SLC6A15: variants seen among roughly 807,000 people sequenced by gnomAD.
The protein encoded by SLC6A15 is sodium-dependent neutral amino acid transporter B(0)AT2.
SLC6A15 carries 33 observed loss-of-function variants against 68.5 expected under a neutral mutation model. That is an observed-to-expected ratio of 0.48 (90% CI 0.37 to 0.64). The LOEUF is 0.64. Ranked by LOEUF, SLC6A15 falls within the 30% of genes least tolerant of loss-of-function variation. The probability of loss-of-function intolerance (pLI) is 0.00; values close to 1 mark genes in which losing one functional copy is unlikely to be tolerated. For missense variants in SLC6A15, 747 were observed against 874.3 expected (o/e 0.85, Z 1.84); for synonymous variants, 347 against 301.0 (o/e 1.15, Z -1.58).
At chr12:84,892,338 T>G in intron 1 of SLC6A15, 30 bp from the exon 2 acceptor site, 1 of 403,746 alleles carries the variant, frequency 2.5e-6, no homozygotes. Flanking sequence ...AATGTGATCA[T>G]ATTTAATGAT....
intron 8 of SLC6A15, among the ~76,000 whole-genome samples, chr12:84,871,101 A>C (rs1360640041): frequency 6.6e-6 from 1 of 151,722 alleles, no homozygotes; most frequent in Non-Finnish European, 1.5e-5. Flanking sequence ...ATTTGGTTTT[A>C]CCTTACCTCA....
intron 1 of SLC6A15, 88 bp downstream of exon 1, chr12:84,912,435 C>T (rs1406776944): frequency 6.6e-6 from 1 of 152,664 alleles, no homozygotes; most frequent in South Asian, 2.1e-4. Context: ...CAATTCGTTC[C>T]CGGTGCTGGT....
rs1367900010 is a variant in SLC6A15, at chr12:84,867,182, G to C, written c.1507C>G (p.Leu503Val). 1 of 1,597,946 alleles carries C rather than the reference G, an allele frequency of 6.3e-7. No homozygotes were observed. Among genetic ancestry groups the C allele is most frequent in the Non-Finnish European group, 8.5e-7 (1 of 1,173,104 alleles). ...RKEILTVICC[L>V]LAFCIGLIFV... ...ATCAGGCCAATACAAAATGCCAGAA[G>C]ACAACAGATAACTAGACAAAAGAAA... Residue 503 changes from leucine to valine, a missense_variant, in exon 10 of 12, where the codon CTT becomes GTT. By Grantham distance (32) the Leu-to-Val change is conservative. Transcript: ENST00000266682.
intron 4 of SLC6A15, 98 bp from the exon 5 acceptor site, chr12:84,884,138 C>T: frequency 1.1e-6 from 1 of 950,480 alleles, no homozygotes; most frequent in Non-Finnish European, 1.6e-6. Context: ...TTAATGCTTC[C>T]TAGAAAAGTA....
chr12:84,866,125 G>C (rs1350922878), intron 10 of SLC6A15, among the ~76,000 whole-genome samples: 1 of 152,146 alleles, frequency 6.6e-6, no homozygotes, highest in East Asian at 1.9e-4. Context: ...TATTCTTTAT[G>C]CTGCTTAAAA....
chr12:84,885,000 A>G (rs1178218434), intron 4 of SLC6A15, among the ~76,000 whole-genome samples: 1 of 151,976 alleles, frequency 6.6e-6, no homozygotes, highest in East Asian at 1.9e-4. Flanking sequence ...GCTCTTTATA[A>G]TATTTATATT....
At chr12:84,907,464 C>T (rs939025096) in intron 1 of SLC6A15, among the ~76,000 whole-genome samples, 1 of 152,006 alleles carries the variant, frequency 6.6e-6, no homozygotes, top group African/African-American at 2.4e-5. Context: ...AACTGAGGCT[C>T]GATATTATTA....
intron 3 of SLC6A15, 46 bp downstream of exon 3, chr12:84,885,865 G>A: frequency 6.6e-7 from 1 of 1,508,886 alleles, no homozygotes; most frequent in African/African-American, 1.4e-5. Context: ...TATATAATTT[G>A]AAACCCTATA....
intron 2 of SLC6A15, among the ~76,000 whole-genome samples, chr12:84,887,114 A>G (rs975788934): frequency 1.3e-5 from 2 of 152,066 alleles, no homozygotes; most frequent in African/African-American, 2.4e-5. Flanking sequence ...TTATTAAATG[A>G]CCTCTTAGCT....
chr12:84,910,209 C>T (rs987314458), intron 1 of SLC6A15, among the ~76,000 whole-genome samples: 2 of 151,992 alleles, frequency 1.3e-5, no homozygotes, highest in Admixed American at 6.5e-5. Flanking sequence ...TTTCAATCAA[C>T]TATATAATGT....
chr12:84,912,048 C>A (rs1440116448), intron 1 of SLC6A15: 1 of 152,320 alleles, frequency 6.6e-6, no homozygotes, highest in Non-Finnish European at 1.5e-5. Context: ...CTCTGCTCTC[C>A]CCGCCCCATC....
intron 8 of SLC6A15, among the ~76,000 whole-genome samples, chr12:84,872,198 A>G (rs1308288496): frequency 6.6e-6 from 1 of 152,060 alleles, no homozygotes. Context: ...GTGGAACACA[A>G]CTATTAAAAT....
At chr12:84,878,501 A>C (rs1412309449) in intron 5 of SLC6A15, among the ~76,000 whole-genome samples, 2 of 152,142 alleles carry the variant, frequency 1.3e-5, no homozygotes, top group African/African-American at 4.8e-5. Context: ...GTTTTTAAAC[A>C]AAACTCAAAT....
chr12:84,895,039 T>C (rs892279345), intron 1 of SLC6A15, among the ~76,000 whole-genome samples: 12 of 152,032 alleles, frequency 7.9e-5, no homozygotes, highest in African/African-American at 2.7e-4. Context: ...ATATTATAAA[T>C]AAAATTATCT....
chr12:84,873,149 T>C lies in SLC6A15; in HGVS notation c.1047A>G (p.Thr349=). Residue 349 remains threonine (T), a synonymous_variant, in exon 7 of 12, where the codon ACA becomes ACG. Coordinates refer to ENST00000266682, the MANE Select transcript of SLC6A15 (RefSeq NM_182767.6). ...AGCCCAGAACTGCAAACACCACCAA[T>C]GTTGCCAGGACAGAAGTGAAAAAAT... ...FINFFTSVLA[T]LVVFAVLGFK... 12 of 1,614,064 alleles carry C rather than the reference T, an allele frequency of 7.4e-6. No homozygotes were observed. Among genetic ancestry groups the C allele is most frequent in the Non-Finnish European group, 1.0e-5 (12 of 1,179,990 alleles).
At chr12:84,883,560 G>A (rs1331424027) in intron 5 of SLC6A15, 2 of 1,370,308 alleles carry the variant, frequency 1.5e-6, no homozygotes, top group Admixed American at 3.4e-5. Context: ...TGAAACATTA[G>A]GACTAATTGA....
chr12:84,890,697 A>G (rs1040816307), intron 2 of SLC6A15, among the ~76,000 whole-genome samples: 5 of 152,188 alleles, frequency 3.3e-5, no homozygotes, highest in Non-Finnish European at 2.9e-5. Context: ...TTTTGTCACC[A>G]TAACATCTTA....
chr12:84,868,260 G>A (rs374452248), intron 9 of SLC6A15, among the ~76,000 whole-genome samples: 30 of 152,260 alleles, frequency 2.0e-4, no homozygotes, highest in African/African-American at 7.2e-4. Context: ...CATTTACTTG[G>A]ATTCTACTGC....
At chr12:84,888,543 T>C (rs1872227719) in intron 2 of SLC6A15, among the ~76,000 whole-genome samples, 1 of 152,136 alleles carries the variant, frequency 6.6e-6, no homozygotes, top group Non-Finnish European at 1.5e-5. Flanking sequence ...TTCTCATTTA[T>C]AAGTAGGAGT....
Sources: allele counts gnomAD v4.1 joint callset (sites outside exome capture counted in the v4.1 genomes callset), GRCh38; gene constraint gnomAD v4.1.1; transcripts MANE v1.5; gene names NCBI Gene and HGNC (gene_info 2026-07-23, HGNC 2026-07-21).